The following RASEF variants were observed in gnomAD, a reference collection of about 807,000 sequenced individuals.
RASEF encodes the protein ras and EF-hand domain-containing protein.
In RASEF, 68 loss-of-function variants were observed where a neutral mutation model predicts 90.1. That is an observed-to-expected ratio of 0.75 (90% CI 0.62 to 0.92). RASEF has a LOEUF of 0.92. RASEF is among the 40% of genes least tolerant of loss of function. RASEF has a pLI of 0.00. For missense variants in RASEF, 949 were observed against 937.2 expected (o/e 1.01, Z -0.16); for synonymous variants, 331 against 345.2 (o/e 0.96, Z 0.46).
the RASEF span, among the ~76,000 whole-genome samples, chr9:83,165,205 T>C: frequency 6.6e-6 from 1 of 152,092 alleles, no homozygotes; most frequent in Non-Finnish European, 1.5e-5. Flanking sequence ...AGAATACACA[T>C]TCTTCTCAAG....
At chr9:83,148,310 A>C in the RASEF span, among the ~76,000 whole-genome samples, 3 of 152,142 alleles carry the variant, frequency 2.0e-5, no homozygotes, top group Non-Finnish European at 4.4e-5. Context: ...TTGAAGTTCT[A>C]ATTCCCAGTG....
intron 6 of RASEF, among the ~76,000 whole-genome samples, chr9:83,008,561 T>C (rs11139893): frequency 0.23 from 34,410 of 151,738 alleles, 4,930 homozygotes; most frequent in East Asian, 0.48. Context: ...TTCTGTGGAC[T>C]GGATCAGTTA....
At chr9:83,024,038 G>A (rs1829492743) in intron 2 of RASEF, among the ~76,000 whole-genome samples, 1 of 152,212 alleles carries the variant, frequency 6.6e-6, no homozygotes, top group South Asian at 2.1e-4. Flanking sequence ...CAGGTGCAGT[G>A]CAGAACAAAA....
At chr9:83,161,129 C>T in the RASEF span, among the ~76,000 whole-genome samples, 3 of 152,168 alleles carry the variant, frequency 2.0e-5, no homozygotes, top group Admixed American at 2.0e-4. Flanking sequence ...ACTGGGGCAC[C>T]ACCTAGTGGA....
At chr9:83,065,576 G>A (rs925388789), upstream of RASEF, among the ~76,000 whole-genome samples, 5 of 152,134 alleles carry the variant, frequency 3.3e-5, no homozygotes, top group African/African-American at 1.2e-4. Context: ...GTCAGTGTGG[G>A]AAGGGACTAC....
chr9:83,069,547 G>C, the RASEF span, among the ~76,000 whole-genome samples: 154 of 152,272 alleles, frequency 1.0e-3, no homozygotes, highest in African/African-American at 3.5e-3. Context: ...ACCACAGAGT[G>C]TGCATCCATT....
At chr9:83,027,341 G>A (rs749992633) in intron 1 of RASEF, among the ~76,000 whole-genome samples, 1 of 152,150 alleles carries the variant, frequency 6.6e-6, no homozygotes, top group African/African-American at 2.4e-5. Flanking sequence ...GGTCAGGGAT[G>A]GGGCTGAAAG....
rs1056695003 is a variant in RASEF at position 83,048,048 on chromosome 9, T to C, written c.431+14389A>G. 19 of 912,902 alleles carry C rather than the reference T, an allele frequency of 2.1e-5. No individual in the cohort carries two copies. In the African/African-American group the frequency reaches 3.0e-4, roughly 15 times the overall value. 56.6% of individuals were successfully genotyped at this position (912,902 alleles called of 1,614,324 possible). ...AAAAGTGGCTGAGCTGAGAAGTGGC[T>C]TTCCTCCCAGCATATAAAGCAGAGG... On this transcript the variant is annotated intron_variant, in intron 1 of 16. Coordinates refer to ENST00000376447, the MANE Select transcript of RASEF (RefSeq NM_152573.4).
At chr9:83,116,657 A>G in the RASEF span, among the ~76,000 whole-genome samples, 1 of 152,160 alleles carries the variant, frequency 6.6e-6, no homozygotes, top group Non-Finnish European at 1.5e-5. Flanking sequence ...CTCCCTGACC[A>G]TCATGGCCCA....
At chr9:83,112,047 A>G in the RASEF span, among the ~76,000 whole-genome samples, 1 of 152,070 alleles carries the variant, frequency 6.6e-6, no homozygotes, top group African/African-American at 2.4e-5. Flanking sequence ...AAATGTATTA[A>G]TAAATGTTCA....
At position 83,001,116 on chromosome 9, in the gene RASEF, G is replaced by C. The variant is rs745517292; in HGVS notation, c.1217C>G (p.Ser406Cys). The C allele has an allele frequency of 7.4e-6, 12 of 1,612,726 alleles. No homozygotes were observed. The African/African-American group carries it at 1.5e-4, about 20-fold the overall frequency. Reference protein sequence around the residue: ...PLGYDRSSRSSYVDEDCDSLA... With the variant: ...PLGYDRSSRSCYVDEDCDSLA... ...GGAGTCACAGTCCTCATCCACATAG[G>C]AAGAGCGGGATGACCTGGTAATAAA... Residue 406 changes from serine (S) to cysteine (C), a missense_variant, in exon 10 of 17, where the codon TCC becomes TGC. By Grantham distance (112) the Ser-to-Cys change is moderately radical. Transcript: ENST00000376447.
chr9:83,099,003 G>A, the RASEF span, among the ~76,000 whole-genome samples: 1 of 152,122 alleles, frequency 6.6e-6, no homozygotes, highest in African/African-American at 2.4e-5. Flanking sequence ...TCTGAGAATA[G>A]TGGCTTATTG....
chr9:83,218,160 T>A, the RASEF span, among the ~76,000 whole-genome samples: 6 of 152,170 alleles, frequency 3.9e-5, no homozygotes, highest in Non-Finnish European at 8.8e-5. Flanking sequence ...AAAGGTAGCA[T>A]GAATAAACAC....
chr9:83,214,074 C>A, the RASEF span, among the ~76,000 whole-genome samples: 1 of 152,192 alleles, frequency 6.6e-6, no homozygotes, highest in South Asian at 2.1e-4. Flanking sequence ...ATAGTCTGAG[C>A]AACACAGTGA....
chr9:83,032,413 T>C (rs1829663561), intron 1 of RASEF, among the ~76,000 whole-genome samples: 1 of 152,206 alleles, frequency 6.6e-6, no homozygotes, highest in African/African-American at 2.4e-5. Context: ...TGTTTACAGG[T>C]GTACTTGGCA....
chr9:83,014,444 G>A (rs1456809586), intron 4 of RASEF, among the ~76,000 whole-genome samples: 1 of 151,946 alleles, frequency 6.6e-6, no homozygotes, highest in African/African-American at 2.4e-5. Context: ...GGGACTACAG[G>A]CATGTGCTAC....
intron 1 of RASEF, among the ~76,000 whole-genome samples, chr9:83,045,888 C>T (rs1421343186): frequency 1.3e-5 from 2 of 152,126 alleles, no homozygotes; most frequent in African/African-American, 4.8e-5. Context: ...GATGCTGTTT[C>T]GCACTGTGGT....
intron 6 of RASEF, among the ~76,000 whole-genome samples, chr9:83,007,839 G>A (rs1005456504): frequency 1.3e-5 from 2 of 152,082 alleles, no homozygotes; most frequent in Non-Finnish European, 2.9e-5. Context: ...TGTTCTCCAC[G>A]AGGGCTGAAC....
chr9:83,188,370 T>C, the RASEF span, among the ~76,000 whole-genome samples: 1 of 152,202 alleles, frequency 6.6e-6, no homozygotes. Flanking sequence ...CCAGTAATAG[T>C]TCATTCATTT....
Sources: allele counts gnomAD v4.1 joint callset (sites outside exome capture counted in the v4.1 genomes callset), GRCh38; gene constraint gnomAD v4.1.1; transcripts MANE v1.5; gene names NCBI Gene and HGNC (gene_info 2026-07-23, HGNC 2026-07-21).